The following OR2M3 variants were observed in gnomAD, a reference collection of about 807,000 sequenced individuals.
OR2M3 encodes the protein olfactory receptor 2M3.
OR2M3 carries 1 observed loss-of-function variant against 4.3 expected under a neutral mutation model. The observed-to-expected ratio is 0.23, with a 90% CI of 0.08 to 1.11. The LOEUF is 1.11. OR2M3 is among the 50% of genes most tolerant of loss of function. The pLI is 0.54. For missense variants in OR2M3, 410 were observed against 390.4 expected (o/e 1.05, Z -0.42); for synonymous variants, 151 against 139.4 (o/e 1.08, Z -0.59).
In OR2M3 at chr1:248,212,366, TTA is replaced by T. The variant is rs1211698582; in HGVS notation, c.*8363_*8364del. On this transcript the variant is annotated 3_prime_UTR_variant, in exon 2 of 2. Coordinates refer to ENST00000641626, the MANE Select transcript of OR2M3 (RefSeq NM_001004689.2). ...ACAATTAAGCAAAATGCATAATTAA[TTA>T]TAGTTATCTTAAATCACTTGGCCAA... is the stretch of plus-strand genomic sequence containing the variant. The T allele has an allele frequency of 7.2e-5, 11 of 152,056 alleles. No homozygotes were observed. Among genetic ancestry groups the T allele is most frequent in the African/African-American group, 2.7e-4 (11 of 41,446 alleles). 9.4% of individuals were successfully genotyped at this position (152,056 alleles called of 1,614,324 possible). A position where few individuals can be genotyped will look rare whatever the true frequency, so the allele number is the denominator to read the frequency against.
In OR2M3 at chr1:248,203,124, TCACAG is replaced by T. The variant is rs1666176911; in HGVS notation, c.59_63del (p.His20ProfsTer90). The T allele has an allele frequency of 1.2e-6, 2 of 1,613,898 alleles. No homozygotes were observed. Among genetic ancestry groups the T allele is most frequent in the Non-Finnish European group, 1.7e-6 (2 of 1,179,924 alleles). Reference sequence around the variant, plus strand: ...ACTTCATCCTCCTGGGAATCTTCAATCACAGCCCCACCCACACCTTCCTCTTCTTT... The same window carrying T: ...ACTTCATCCTCCTGGGAATCTTCAATCCCCACCCACACCTTCCTCTTCTTT... On this transcript the variant is annotated frameshift_variant, in exon 2 of 2. Coordinates refer to ENST00000641626, the MANE Select transcript of OR2M3 (RefSeq NM_001004689.2). LOFTEE classifies it low-confidence loss of function (END_TRUNC).
intron 1 of OR2M3, 105 bp downstream of exon 1, chr1:248,197,406 A>G (rs1666108939): frequency 1.3e-5 from 2 of 152,118 alleles, no homozygotes; most frequent in Admixed American, 1.3e-4. Context: ...TTCTTAAGTC[A>G]TTTTTTGTGC....
Position 248,206,936 on chromosome 1 carries a change from G to C in OR2M3, c.*2930G>C, listed in dbSNP as rs1666229063. On this transcript the variant is annotated 3_prime_UTR_variant, in exon 2 of 2. Transcript: ENST00000641626. Reference sequence around the variant, plus strand: ...TAGAATTCAGCTGTGAATCTGTCTGGTCCTGGACTTTTTTTTGGCAATTTT... The same window carrying C: ...TAGAATTCAGCTGTGAATCTGTCTGCTCCTGGACTTTTTTTTGGCAATTTT... 1 of 151,846 alleles carries C rather than the reference G, an allele frequency of 6.6e-6. No individual in the cohort carries two copies. Among genetic ancestry groups the C allele is most frequent in the African/African-American group, 2.4e-5 (1 of 41,360 alleles). The allele number at this position is 151,846 out of a possible 1,614,324, so 9.4% of individuals were successfully genotyped here. A position where few individuals can be genotyped will look rare whatever the true frequency, so the allele number is the denominator to read the frequency against.
Position 248,208,768 on chromosome 1 carries a change from C to T in OR2M3, c.*4762C>T, listed in dbSNP as rs1437645388. ...TTTTCTCTCACGGCTGACATTTTTT[C>T]CTTTGCCTTGACTTTAGATAACTTG... On this transcript the variant is annotated 3_prime_UTR_variant, in exon 2 of 2. Coordinates refer to ENST00000641626, the MANE Select transcript of OR2M3 (RefSeq NM_001004689.2). 1 of 152,016 alleles carries T rather than the reference C, an allele frequency of 6.6e-6. No individual in the cohort carries two copies. Among genetic ancestry groups the T allele is most frequent in the African/African-American group, 2.4e-5 (1 of 41,398 alleles). The allele number at this position is 152,016 out of a possible 1,614,324, so 9.4% of individuals were successfully genotyped here. A position where few individuals can be genotyped will look rare whatever the true frequency, so the allele number is the denominator to read the frequency against.
Position 248,210,440 on chromosome 1 carries a change from C to A in OR2M3, c.*6434C>A. 5.9e-6 allele frequency: 1 copy of A among 170,568 alleles called. No homozygotes were observed. The highest frequency in any genetic ancestry group is 1.9e-4 in the South Asian group (1 of 5,320). 10.6% of individuals were successfully genotyped at this position (170,568 alleles called of 1,614,324 possible). A position where few individuals can be genotyped will look rare whatever the true frequency, so the allele number is the denominator to read the frequency against. On this transcript the variant is annotated 3_prime_UTR_variant, in exon 2 of 2. Coordinates refer to ENST00000641626, the MANE Select transcript of OR2M3 (RefSeq NM_001004689.2). ...TGAGTTTCCATACGGTATTCTGTGT[C>A]AGGCCTCTGAGCCCAAGTTAAGCCA...
rs779053369 is a variant in OR2M3 at position 248,203,337 on chromosome 1, G to A, written c.270G>A (p.Lys90=). The change falls in exon 2 of 2, where the codon AAG becomes AAA. Residue 90 remains lysine, a synonymous_variant. Transcript: ENST00000641626. ...CCTTCAACTACCTGTCTGGCAGCAA[G>A]TCCATTTCTATGGCTGGTTGTGCCA... The part of the protein sequence containing the change: ...KMAFNYLSGS[K]SISMAGCATQ... The A allele has an allele frequency of 1.2e-5, 20 of 1,614,106 alleles. No homozygotes were observed. The highest frequency in any genetic ancestry group is 3.3e-5 in the Admixed American group (2 of 60,008).
Position 248,211,436 on chromosome 1 carries a change from A to T in OR2M3, c.*7430A>T, listed in dbSNP as rs1666281722. ...CTGCACAATGATACTTAAACATTTT[A>T]TTAATAATTACAGGACTTATATTGA... On this transcript the variant is annotated 3_prime_UTR_variant, in exon 2 of 2. Coordinates refer to ENST00000641626, the MANE Select transcript of OR2M3 (RefSeq NM_001004689.2). 6.6e-6 allele frequency: 1 copy of T among 152,148 alleles called. No individual in the cohort carries two copies. The highest frequency in any genetic ancestry group is 1.5e-5 in the Non-Finnish European group (1 of 68,046). The allele number at this position is 152,148 out of a possible 1,614,324, so 9.4% of individuals were successfully genotyped here.
intron 1 of OR2M3, among the ~76,000 whole-genome samples, chr1:248,200,562 G>C (rs765544725): frequency 2.0e-5 from 3 of 152,058 alleles, no homozygotes; most frequent in Non-Finnish European, 2.9e-5. Context: ...TTTAACACCA[G>C]AAAGGGAGGA....
At chr1:248,199,933 T>C (rs944617040) in intron 1 of OR2M3, among the ~76,000 whole-genome samples, 1 of 152,170 alleles carries the variant, frequency 6.6e-6, no homozygotes, top group African/African-American at 2.4e-5. Flanking sequence ...GATTTACACT[T>C]GTTATTCAAT....
At chr1:248,201,876 G>A (rs1666161492) in intron 1 of OR2M3, among the ~76,000 whole-genome samples, 1 of 152,056 alleles carries the variant, frequency 6.6e-6, no homozygotes, top group African/African-American at 2.4e-5. Flanking sequence ...ACTGTGACCT[G>A]TATGCACAGG....
At chr1:248,198,044 A>G (rs991900477) in intron 1 of OR2M3, among the ~76,000 whole-genome samples, 2 of 152,134 alleles carry the variant, frequency 1.3e-5, no homozygotes, top group South Asian at 4.1e-4. Flanking sequence ...AATGCTTTAC[A>G]TTTGTCATGT....
intron 1 of OR2M3, among the ~76,000 whole-genome samples, chr1:248,200,322 T>C (rs1203594272): frequency 1.3e-5 from 2 of 152,092 alleles, no homozygotes; most frequent in Non-Finnish European, 2.9e-5. Context: ...TTTCTTAAGA[T>C]GAATTAAGCT....
intron 1 of OR2M3, among the ~76,000 whole-genome samples, chr1:248,200,720 G>C (rs1383990415): frequency 6.6e-6 from 1 of 151,952 alleles, no homozygotes; most frequent in African/African-American, 2.4e-5. Flanking sequence ...GTATTCCCAG[G>C]TCAAAGTTGT....
rs1666233499 is a variant in OR2M3, at chr1:248,207,247, T to C, written c.*3241T>C. The stretch of plus-strand genomic sequence containing the variant: ...TGGTCTATCAACTTTATTCGTCTTT[T>C]TAAAGAACTAGCTTTTTGTTTCATT... On this transcript the variant is annotated 3_prime_UTR_variant, in exon 2 of 2. Coordinates refer to ENST00000641626, the MANE Select transcript of OR2M3 (RefSeq NM_001004689.2). 1 of 152,120 alleles carries C rather than the reference T, an allele frequency of 6.6e-6. No homozygotes were observed. The highest frequency in any genetic ancestry group is 2.4e-5 in the African/African-American group (1 of 41,444). 9.4% of individuals were successfully genotyped at this position (152,120 alleles called of 1,614,324 possible). A position where few individuals can be genotyped will look rare whatever the true frequency, so the allele number is the denominator to read the frequency against.
At chr1:248,202,989 A>T in intron 1 of OR2M3, 61 bp from the exon 2 acceptor site, 1 of 1,429,368 alleles carries the variant, frequency 7.0e-7, no homozygotes, top group South Asian at 1.3e-5. Context: ...CCACAATCAC[A>T]TGATTTATAA....
rs1666228264 is a variant in OR2M3 at position 248,206,853 on chromosome 1, C to T, written c.*2847C>T. The T allele has an allele frequency of 6.6e-6, 1 of 151,998 alleles. No homozygotes were observed. Among genetic ancestry groups the T allele is most frequent in the Non-Finnish European group, 1.5e-5 (1 of 67,956 alleles). The allele number at this position is 151,998 out of a possible 1,614,324, so 9.4% of individuals were successfully genotyped here. A position where few individuals can be genotyped will look rare whatever the true frequency, so the allele number is the denominator to read the frequency against. ...CAGAATGATTTACAAAGGATTCCCT[C>T]TTTATCCTTTGGAATAGTGTCAATA... is the stretch of plus-strand genomic sequence containing the variant. On this transcript the variant is annotated 3_prime_UTR_variant, in exon 2 of 2. Transcript: ENST00000641626.
At position 248,207,256 on chromosome 1, in the gene OR2M3, T is replaced by A. The variant is rs1189094951; in HGVS notation, c.*3250T>A. ...AACTTTATTCGTCTTTTTAAAGAAC[T>A]AGCTTTTTGTTTCATTTATCTTTTG... On this transcript the variant is annotated 3_prime_UTR_variant, in exon 2 of 2. Coordinates refer to ENST00000641626, the MANE Select transcript of OR2M3 (RefSeq NM_001004689.2). The A allele has an allele frequency of 6.6e-6, 1 of 152,022 alleles. No individual in the cohort carries two copies. The highest frequency in any genetic ancestry group is 2.4e-5 in the African/African-American group (1 of 41,422). 9.4% of individuals were successfully genotyped at this position (152,022 alleles called of 1,614,324 possible).
intron 1 of OR2M3, among the ~76,000 whole-genome samples, chr1:248,202,727 C>A (rs1352630196): frequency 6.6e-6 from 1 of 150,784 alleles, no homozygotes. Context: ...TAAAAGACTT[C>A]TAATTTTATA....
Position 248,210,265 on chromosome 1 carries a change from G to A in OR2M3, c.*6259G>A, listed in dbSNP as rs4508045. The A allele has an allele frequency of 0.82, 124,695 of 152,210 alleles. 51,395 individuals carry two copies. The highest frequency in any genetic ancestry group is 0.91 in the African/African-American group (37,720 of 41,466). The allele number at this position is 152,210 out of a possible 1,614,324, so 9.4% of individuals were successfully genotyped here. A position where few individuals can be genotyped will look rare whatever the true frequency, so the allele number is the denominator to read the frequency against. On this transcript the variant is annotated 3_prime_UTR_variant, in exon 2 of 2. Coordinates refer to ENST00000641626, the MANE Select transcript of OR2M3 (RefSeq NM_001004689.2). ...GCTGAGAATTTGCCCCAGACCATGA[G>A]CCTCTCTGTTGAGAAAGCAAACAGA...
Sources: allele counts gnomAD v4.1 joint callset (sites outside exome capture counted in the v4.1 genomes callset), GRCh38; gene constraint gnomAD v4.1.1; transcripts MANE v1.5; gene names NCBI Gene and HGNC (gene_info 2026-07-23, HGNC 2026-07-21).